The following TBC1D22A variants were observed in gnomAD, a reference collection of about 807,000 sequenced individuals.
TBC1D22A encodes putative GTPase activator.
TBC1D22A carries 38 observed loss-of-function variants against 60.2 expected under a neutral mutation model. The observed-to-expected ratio is 0.63, with a 90% CI of 0.49 to 0.83. TBC1D22A has a LOEUF of 0.83. TBC1D22A is among the 40% of genes least tolerant of loss of function. TBC1D22A has a pLI of 0.00. For synonymous variants in TBC1D22A, 302 were observed against 281.7 expected, an observed-to-expected ratio of 1.07 and a Z score of -0.72; for missense variants, 628 against 701.0, an observed-to-expected ratio of 0.90 and a Z score of 1.18.
Position 46,980,721 on chromosome 22 carries a change from A to G in TBC1D22A, c.1125+6322A>G, listed in dbSNP as rs185137519. ...AGAGAAATGTACTAGAGGAAAGCCAATATTTGTAAAGCTGTGGCTGGGAAT... is the reference window on the plus strand; with the variant it reads ...AGAGAAATGTACTAGAGGAAAGCCAGTATTTGTAAAGCTGTGGCTGGGAAT... On this transcript the variant is annotated intron_variant, in intron 9 of 12. Coordinates refer to ENST00000337137, the MANE Select transcript of TBC1D22A (RefSeq NM_014346.5). Among the ~76,000 whole-genome samples the G allele has an allele frequency of 1.8e-3, 280 of 152,308 alleles. 4 individuals carry two copies. The East Asian group carries it at 0.043, about 23-fold the overall frequency.
At chr22:47,103,186 G>T (rs574536809) in intron 11 of TBC1D22A, among the ~76,000 whole-genome samples, 2 of 152,226 alleles carry the variant, frequency 1.3e-5, no homozygotes, top group South Asian at 2.1e-4. Flanking sequence ...GTGTAATTTC[G>T]TTCGGTTTCC....
intron 4 of TBC1D22A, among the ~76,000 whole-genome samples, chr22:46,814,573 G>A (rs1250109248): frequency 7.2e-5 from 11 of 152,164 alleles, no homozygotes; most frequent in Non-Finnish European, 1.5e-4. Flanking sequence ...AGGGCTGTGT[G>A]TGTGTGTTTT....
intron 11 of TBC1D22A, among the ~76,000 whole-genome samples, chr22:47,094,757 A>G (rs1399863671): frequency 6.6e-6 from 1 of 152,146 alleles, no homozygotes; most frequent in Non-Finnish European, 1.5e-5. Flanking sequence ...GAGAGTGTTC[A>G]TACATTGGAC....
intron 4 of TBC1D22A, among the ~76,000 whole-genome samples, chr22:46,854,070 A>G (rs1319107192): frequency 6.6e-6 from 1 of 151,912 alleles, no homozygotes; most frequent in African/African-American, 2.4e-5. Context: ...GCGTTTCTGG[A>G]CTTCTTGTTT....
chr22:46,919,731 CTT>C (rs57252183), intron 8 of TBC1D22A, among the ~76,000 whole-genome samples: 1 of 136,840 alleles, frequency 7.3e-6, no homozygotes, highest in Admixed American at 7.3e-5. Flanking sequence ...ATCTTTCACT[CTT>C]TTTTTTTTTT....
intron 12 of TBC1D22A, among the ~76,000 whole-genome samples, chr22:47,159,507 C>T (rs1274798351): frequency 1.3e-5 from 2 of 151,604 alleles, no homozygotes; most frequent in Admixed American, 6.6e-5. Flanking sequence ...ACACGACATG[C>T]ATACTCACCA....
intron 12 of TBC1D22A, among the ~76,000 whole-genome samples, chr22:47,142,172 G>A (rs2067110086): frequency 6.6e-6 from 1 of 152,064 alleles, no homozygotes; most frequent in Non-Finnish European, 1.5e-5. Context: ...CCCAGAAGCT[G>A]TTTACTTTCC....
chr22:46,771,634 G>T (rs1283796814), intron 1 of TBC1D22A, among the ~76,000 whole-genome samples: 2 of 147,978 alleles, frequency 1.4e-5, no homozygotes, highest in Non-Finnish European at 3.0e-5. Flanking sequence ...TTGCTCTGTT[G>T]CCCAGGCTGG....
chr22:47,090,050 C>T (rs142173470), intron 11 of TBC1D22A, among the ~76,000 whole-genome samples: 6 of 152,228 alleles, frequency 3.9e-5, no homozygotes, highest in East Asian at 1.9e-4. Context: ...CCCCGGGCCC[C>T]GCCGTGCGCA....
Position 47,111,577 on chromosome 22 carries a change from G to A in TBC1D22A, c.1399G>A (p.Glu467Lys). The change falls in exon 12 of 13, where the codon GAA becomes AAA. Residue 467 changes from glutamate (E) to lysine (K), a missense_variant. Coordinates refer to ENST00000337137, the MANE Select transcript of TBC1D22A (RefSeq NM_014346.5). ...TGCTTTTCTCGTGAGATGGAGGAAG[G>A]AAATACTAGAAGAAAAAGATTTTCA... is the stretch of plus-strand genomic sequence containing the variant. The part of the protein sequence containing the change: ...CAAFLVRWRK[E>K]ILEEKDFQEL... 4 of 1,614,002 alleles carry A rather than the reference G, an allele frequency of 2.5e-6. No individual in the cohort carries two copies. The highest frequency in any genetic ancestry group is 3.4e-6 in the Non-Finnish European group (4 of 1,179,966).
At chr22:46,775,446 G>A (rs12628080) in intron 1 of TBC1D22A, among the ~76,000 whole-genome samples, 7,690 of 152,246 alleles carry the variant, frequency 0.051, 273 homozygotes, top group South Asian at 0.16. Context: ...GGCCTTGGGA[G>A]TTGCTTTCTC....
chr22:46,791,878 A>C (rs962008329), intron 1 of TBC1D22A, among the ~76,000 whole-genome samples: 5 of 152,122 alleles, frequency 3.3e-5, no homozygotes, highest in African/African-American at 1.2e-4. Context: ...CTTCTGCCTC[A>C]GCCTTCCCGG....
chr22:46,972,491 C>G (rs976754455), intron 8 of TBC1D22A, among the ~76,000 whole-genome samples: 1 of 152,148 alleles, frequency 6.6e-6, no homozygotes, highest in Admixed American at 6.5e-5. Flanking sequence ...CACGGGCTGC[C>G]GCATGGATGA....
intron 1 of TBC1D22A, among the ~76,000 whole-genome samples, chr22:46,780,857 G>C (rs983534147): frequency 6.6e-5 from 10 of 152,244 alleles, no homozygotes; most frequent in African/African-American, 2.2e-4. Context: ...CTGCTGTCAG[G>C]CAAGGACCAA....
chr22:47,025,542 T>G (rs756155637), intron 10 of TBC1D22A, among the ~76,000 whole-genome samples: 1 of 152,228 alleles, frequency 6.6e-6, no homozygotes, highest in Non-Finnish European at 1.5e-5. Flanking sequence ...GAAGGTATTT[T>G]GAAGTGAATG....
rs185205470 is a variant in TBC1D22A at position 47,014,039 on chromosome 22, G to A, written c.1201+16330G>A. Among the ~76,000 whole-genome samples, 265 of 152,324 alleles carry A rather than the reference G, an allele frequency of 1.7e-3. 1 individual carries two copies. In the Middle Eastern group the frequency reaches 0.021, roughly 12 times the overall value. ...CTGGACCCAGGCAGTGGGGCGTGTG[G>A]GGATGTGCAGGGATGGCTGTGGGGT... On this transcript the variant is annotated intron_variant, in intron 10 of 12. Transcript: ENST00000337137.
chr22:47,137,068 G>A (rs2066902937), intron 12 of TBC1D22A, among the ~76,000 whole-genome samples: 1 of 152,152 alleles, frequency 6.6e-6, no homozygotes, highest in Non-Finnish European at 1.5e-5. Flanking sequence ...AAAGAAGAAA[G>A]TGGAAGCTCT....
intron 10 of TBC1D22A, among the ~76,000 whole-genome samples, chr22:47,001,398 C>G (rs111304036): frequency 7.1e-6 from 1 of 140,954 alleles, no homozygotes; most frequent in Admixed American, 7.4e-5. Flanking sequence ...GAGCCGAGAT[C>G]GCGCCATTGT....
chr22:46,801,979 A>G (rs1251970732), intron 4 of TBC1D22A, among the ~76,000 whole-genome samples: 4 of 152,250 alleles, frequency 2.6e-5, no homozygotes, highest in Admixed American at 6.5e-5. Context: ...GCAGCCGTGA[A>G]GGGGCCTGGG....
Sources: allele counts gnomAD v4.1 joint callset (sites outside exome capture counted in the v4.1 genomes callset), GRCh38; gene constraint gnomAD v4.1.1; transcripts MANE v1.5; gene names NCBI Gene and HGNC (gene_info 2026-07-23, HGNC 2026-07-21).